Variants in PLAAT5 observed in about 807,000 individuals in gnomAD.
PLAAT5 encodes the protein phospholipase A and acyltransferase 5.
Under a neutral mutation model 27.8 loss-of-function variants are expected in PLAAT5, and 27 were observed. That is an observed-to-expected ratio of 0.97 (90% CI 0.72 to 1.34). The LOEUF (loss-of-function observed/expected upper bound fraction) is 1.34, where lower values mean the gene tolerates loss of function less well. PLAAT5 is among the 40% of genes most tolerant of loss of function. The pLI is 0.00. For missense variants in PLAAT5, 368 were observed against 343.8 expected, an observed-to-expected ratio of 1.07 and a Z score of -0.56; for synonymous variants, 125 against 136.1, an observed-to-expected ratio of 0.92 and a Z score of 0.57.
Position 63,463,349 on chromosome 11 carries a change from G to T in PLAAT5, c.*154C>A. 1 of 687,696 alleles carries T rather than the reference G, an allele frequency of 1.5e-6. No individual in the cohort carries two copies. Among genetic ancestry groups the T allele is most frequent in the Non-Finnish European group, 2.6e-6 (1 of 379,202 alleles). The allele number at this position is 687,696 out of a possible 1,614,324, so 42.6% of individuals were successfully genotyped here. A position where few individuals can be genotyped will look rare whatever the true frequency, so the allele number is the denominator to read the frequency against. On this transcript the variant is annotated 3_prime_UTR_variant, in exon 6 of 6. Coordinates refer to ENST00000540857, the MANE Select transcript of PLAAT5 (RefSeq NM_001146729.2). ...TGTGGGTCTATGCTCGTATATATTG[G>T]ATGTATTTCTGGAAGGGTAATTGGA... is the stretch of plus-strand genomic sequence containing the variant.
intron 4 of PLAAT5, among the ~76,000 whole-genome samples, chr11:63,468,112 C>T (rs770543523): frequency 6.6e-6 from 1 of 152,114 alleles, no homozygotes; most frequent in Non-Finnish European, 1.5e-5. Context: ...AAACAAAGGG[C>T]CCTCTAGGAG....
rs140220012 is a variant in PLAAT5, at chr11:63,471,914, G to A, written c.346-3449C>T. ...AGGGACATGGTTGGAGCTGGAAGCC[G>A]TTATCCTAAGCAAACTAACACAGGA... is the stretch of plus-strand genomic sequence containing the variant. On this transcript the variant is annotated intron_variant, in intron 3 of 5. Coordinates refer to ENST00000540857, the MANE Select transcript of PLAAT5 (RefSeq NM_001146729.2). 7.7e-3 allele frequency among the ~76,000 whole-genome samples: 1,166 copies of A among 152,270 alleles called. 8 individuals carry two copies. Among genetic ancestry groups the A allele is most frequent in the Non-Finnish European group, 0.013 (859 of 68,018 alleles).
intron 3 of PLAAT5, among the ~76,000 whole-genome samples, chr11:63,478,195 C>T (rs2016196522): frequency 6.6e-6 from 1 of 152,206 alleles, no homozygotes; most frequent in Admixed American, 6.5e-5. Context: ...TCTGCTGCCA[C>T]GCCATTCCCT....
chr11:63,491,023 G>C lies in PLAAT5; in HGVS notation c.12C>G (p.Ser4Arg). The change falls in exon 1 of 6, where the codon AGC (serine) becomes AGG (arginine). Residue 4 changes from serine to arginine, a missense_variant. Physicochemically the swap from Ser to Arg is moderately radical, Grantham distance 110. Transcript: ENST00000540857. MGLSPGAEGEYALR... is the reference protein window; with the variant it reads MGLRPGAEGEYALR... ...GCGCGTACTCCCCCTCGGCGCCCGGGCTCAGGCCCATCCCGCCTCTGCGGC... is the reference window on the plus strand; with the variant it reads ...GCGCGTACTCCCCCTCGGCGCCCGGCCTCAGGCCCATCCCGCCTCTGCGGC... The C allele has an allele frequency of 6.7e-7, 1 of 1,485,632 alleles. No individual in the cohort carries two copies. Among genetic ancestry groups the C allele is most frequent in the Non-Finnish European group, 8.9e-7 (1 of 1,117,956 alleles). 92.0% of individuals were successfully genotyped at this position (1,485,632 alleles called of 1,614,324 possible). A position where few individuals can be genotyped will look rare whatever the true frequency, so the allele number is the denominator to read the frequency against.
At chr11:63,490,508 G>T in intron 1 of PLAAT5, 175 bp from the exon 2 acceptor site, 1 of 986,168 alleles carries the variant, frequency 1.0e-6, no homozygotes, top group Non-Finnish European at 1.5e-6. Context: ...GTGCTGGAGC[G>T]GGTTCAGTTC....
intron 3 of PLAAT5, among the ~76,000 whole-genome samples, chr11:63,483,668 A>G (rs1222463433): frequency 6.8e-6 from 1 of 146,180 alleles, no homozygotes; most frequent in East Asian, 2.0e-4. Flanking sequence ...AAAAAAAAAA[A>G]TCTAAGGTTA....
chr11:63,477,884 G>A (rs2016190806), intron 3 of PLAAT5, among the ~76,000 whole-genome samples: 1 of 152,122 alleles, frequency 6.6e-6, no homozygotes, highest in Non-Finnish European at 1.5e-5. Flanking sequence ...TGTGTGGCTT[G>A]GAGAATTCAT....
chr11:63,468,416 C>A lies in PLAAT5; in HGVS notation c.395G>T (p.Gly132Val). The A allele has an allele frequency of 6.2e-7, 1 of 1,614,114 alleles. No homozygotes were observed. Among genetic ancestry groups the A allele is most frequent in the Non-Finnish European group, 8.5e-7 (1 of 1,179,996 alleles). Reference sequence around the variant, plus strand: ...TACATAGATGGCCCAGTGCTCATAGCCAATTCGAAAAATCTCAATCAGGTC... The same window carrying A: ...TACATAGATGGCCCAGTGCTCATAGACAATTCGAAAAATCTCAATCAGGTC... ...PGDLIEIFRI[G>V]YEHWAIYVED... Residue 132 changes from glycine to valine, a missense_variant, in exon 4 of 6, where the codon GGC becomes GTC. By Grantham distance (109) the Gly-to-Val change is moderately radical. Transcript: ENST00000540857.
intron 3 of PLAAT5, among the ~76,000 whole-genome samples, chr11:63,485,825 A>T (rs2016419714): frequency 6.6e-6 from 1 of 152,250 alleles, no homozygotes; most frequent in Non-Finnish European, 1.5e-5. Flanking sequence ...AACAATAAGC[A>T]GAGTAAACGG....
Position 63,490,229 on chromosome 11 carries a change from T to G in PLAAT5, c.239+14A>C, listed in dbSNP as rs1276859644. On this transcript the variant is annotated intron_variant, in intron 2 of 5. Transcript: ENST00000540857. ...TTCTTCCACCCAAAGACCCCAACCT[T>G]ACAATCTTCTTACCCTTGCTGGATG... The G allele has an allele frequency of 9.3e-6, 15 of 1,614,026 alleles. No individual in the cohort carries two copies. The highest frequency in any genetic ancestry group is 1.2e-5 in the Non-Finnish European group (14 of 1,179,988).
intron 3 of PLAAT5, among the ~76,000 whole-genome samples, chr11:63,486,005 G>C (rs2016423497): frequency 6.6e-6 from 1 of 151,950 alleles, no homozygotes; most frequent in African/African-American, 2.4e-5. Context: ...ATATACAAAT[G>C]GCCAACAAAC....
At chr11:63,479,979 C>G (rs2016245157) in intron 3 of PLAAT5, among the ~76,000 whole-genome samples, 1 of 152,192 alleles carries the variant, frequency 6.6e-6, no homozygotes, top group Non-Finnish European at 1.5e-5. Flanking sequence ...CTCACTCTAC[C>G]TGACCACAGA....
chr11:63,464,374 T>G (rs369575870), intron 5 of PLAAT5, among the ~76,000 whole-genome samples: 1 of 152,166 alleles, frequency 6.6e-6, no homozygotes, highest in Non-Finnish European at 1.5e-5. Flanking sequence ...AGGGGGATAA[T>G]AGGTTGGGTG....
chr11:63,480,824 A>G (rs539755920), intron 3 of PLAAT5, among the ~76,000 whole-genome samples: 40 of 152,286 alleles, frequency 2.6e-4, no homozygotes, highest in African/African-American at 9.1e-4. Context: ...AGCTGTCTGT[A>G]TGCTACAGAG....
At chr11:63,490,504 G>A in intron 1 of PLAAT5, 171 bp from the exon 2 acceptor site, 2 of 1,041,012 alleles carry the variant, frequency 1.9e-6, no homozygotes, top group Non-Finnish European at 2.8e-6. Context: ...CTAGGTGCTG[G>A]AGCGGGTTCA....
At chr11:63,480,851 T>G (rs976538751) in intron 3 of PLAAT5, among the ~76,000 whole-genome samples, 11 of 152,192 alleles carry the variant, frequency 7.2e-5, no homozygotes, top group African/African-American at 2.7e-4. Context: ...CCAATCCCAG[T>G]TGATGCTGGT....
chr11:63,490,833 T>C, intron 1 of PLAAT5, 54 bp downstream of exon 1: 1 of 1,519,882 alleles, frequency 6.6e-7, no homozygotes, highest in Non-Finnish European at 8.9e-7. Flanking sequence ...AACCGCCCGC[T>C]GGGACCTGAA....
chr11:63,490,394 G>A (rs772879743), intron 1 of PLAAT5, 61 bp from the exon 2 acceptor site: 3 of 1,612,326 alleles, frequency 1.9e-6, no homozygotes, highest in Admixed American at 3.3e-5. Context: ...CAAGCACCTT[G>A]ACCGCTACGG....
Position 63,490,868 on chromosome 11 carries a change from C to CTA in PLAAT5, c.148+18_148+19insTA. On this transcript the variant is annotated intron_variant, in intron 1 of 5. Transcript: ENST00000540857. ...AGGACAATTGCGGATTGTCCTTCAG[C>CTA]CGCATTCTTGGGGCTGACCTGAGTG... The CTA allele has an allele frequency of 6.3e-7, 1 of 1,593,102 alleles. No homozygotes were observed. The highest frequency in any genetic ancestry group is 8.5e-7 in the Non-Finnish European group (1 of 1,170,754).
Sources: allele counts gnomAD v4.1 joint callset (sites outside exome capture counted in the v4.1 genomes callset), GRCh38; gene constraint gnomAD v4.1.1; transcripts MANE v1.5; gene names NCBI Gene and HGNC (gene_info 2026-07-23, HGNC 2026-07-21).